Variants in IQSEC1 observed in about 807,000 individuals in gnomAD.
IQSEC1 encodes IQ motif and SEC7 domain-containing protein 1.
IQSEC1 carries 31 observed loss-of-function variants against 91.0 expected under a neutral mutation model. The observed-to-expected ratio is 0.34, with a 90% CI of 0.26 to 0.46. The LOEUF is 0.46. IQSEC1 is among the 20% of genes least tolerant of loss of function. The probability of loss-of-function intolerance (pLI) is 1.00; values close to 1 mark genes in which losing one functional copy is unlikely to be tolerated. For missense variants in IQSEC1, 1,388 were observed against 1,575.6 expected (o/e 0.88, Z 2.02); for synonymous variants, 699 against 662.6 (o/e 1.05, Z -0.84).
At chr3:12,941,506 G>T in intron 2 of IQSEC1, 65 bp downstream of exon 2, 1 of 1,409,430 alleles carries the variant, frequency 7.1e-7, no homozygotes, top group Non-Finnish European at 9.5e-7. Context: ...CCTGGTGGGG[G>T]CACACATGGT....
intron 1 of IQSEC1, among the ~76,000 whole-genome samples, chr3:13,009,395 A>G (rs1702776243): frequency 6.6e-6 from 1 of 152,032 alleles, no homozygotes; most frequent in Non-Finnish European, 1.5e-5. Flanking sequence ...GGGAGGCGGG[A>G]CCTTGCCTGA....
At position 12,967,321 on chromosome 3, in the gene IQSEC1, C is replaced by T; in HGVS notation, c.24-25456G>A. 3 of 1,407,032 alleles carry T rather than the reference C, an allele frequency of 2.1e-6. No homozygotes were observed. The highest frequency in any genetic ancestry group is 2.1e-5 in the Admixed American group (1 of 48,658). 87.2% of individuals were successfully genotyped at this position (1,407,032 alleles called of 1,614,324 possible). On this transcript the variant is annotated intron_variant, in intron 1 of 13. Transcript: ENST00000613206. The surrounding 1 kb of genome is among the most constrained non-coding windows in gnomAD (Gnocchi z 5.9). ...CACCCGCACTCCCGCACAGGCATCCCCACAGCCTGCGCCAGCCCACCGCTC... is the reference window on the plus strand; with the variant it reads ...CACCCGCACTCCCGCACAGGCATCCTCACAGCCTGCGCCAGCCCACCGCTC...
intron 2 of IQSEC1, among the ~76,000 whole-genome samples, chr3:13,125,548 G>C (rs1192091954): frequency 6.6e-6 from 1 of 152,258 alleles, no homozygotes; most frequent in Non-Finnish European, 1.5e-5. Flanking sequence ...TGTGGCGCTT[G>C]AGAACAAGGA....
At chr3:12,928,328 G>A (rs1697345289) in intron 3 of IQSEC1, among the ~76,000 whole-genome samples, 1 of 152,216 alleles carries the variant, frequency 6.6e-6, no homozygotes, top group Admixed American at 6.5e-5. Context: ...TGCGGGCGAT[G>A]GATTCCACCC....
chr3:13,246,656 T>C (rs534447055), intron 1 of IQSEC1, among the ~76,000 whole-genome samples: 132 of 152,322 alleles, frequency 8.7e-4, no homozygotes, highest in African/African-American at 3.1e-3. Flanking sequence ...GAGCTACCTG[T>C]GCCCTGCTCT....
intron 1 of IQSEC1, among the ~76,000 whole-genome samples, chr3:13,035,171 G>A (rs553612497): frequency 6.6e-6 from 1 of 152,232 alleles, no homozygotes; most frequent in Non-Finnish European, 1.5e-5. Flanking sequence ...CCTGCCCTTG[G>A]GGGTACAGAG....
At chr3:13,264,702 A>G (rs2125134863) in intron 1 of IQSEC1, among the ~76,000 whole-genome samples, 1 of 152,144 alleles carries the variant, frequency 6.6e-6, no homozygotes, top group South Asian at 2.1e-4. Context: ...CACTAATTCA[A>G]CAAGCGGGAG....
At chr3:13,035,494 C>T (rs183423740) in intron 1 of IQSEC1, among the ~76,000 whole-genome samples, 6 of 152,314 alleles carry the variant, frequency 3.9e-5, no homozygotes, top group Admixed American at 2.0e-4. Flanking sequence ...ATAATCACCA[C>T]ACTTCATTTC....
intron 1 of IQSEC1, among the ~76,000 whole-genome samples, chr3:13,201,296 C>T (rs1055976316): frequency 3.3e-5 from 5 of 152,154 alleles, no homozygotes; most frequent in African/African-American, 1.2e-4. Context: ...GGGCAGGAGT[C>T]CTGGGGAGGA....
intron 1 of IQSEC1, among the ~76,000 whole-genome samples, chr3:13,281,741 A>G (rs1001400346): frequency 1.2e-4 from 18 of 152,322 alleles, no homozygotes; most frequent in Admixed American, 1.1e-3. Flanking sequence ...CCCAGCAGGA[A>G]GACTGTCCTG....
intron 1 of IQSEC1, among the ~76,000 whole-genome samples, chr3:13,242,930 C>T (rs964003381): frequency 3.3e-5 from 5 of 152,000 alleles, no homozygotes; most frequent in Admixed American, 2.6e-4. Context: ...GCTTGTCTTT[C>T]CACACATGTG....
intron 1 of IQSEC1, among the ~76,000 whole-genome samples, chr3:13,067,282 C>T (rs574605499): frequency 1.5e-4 from 23 of 152,312 alleles, no homozygotes; most frequent in African/African-American, 2.6e-4. Flanking sequence ...GGGGCTGTGT[C>T]GTCAGTAGGC....
chr3:13,142,368 C>T (rs1372464617), intron 2 of IQSEC1, among the ~76,000 whole-genome samples: 1 of 152,210 alleles, frequency 6.6e-6, no homozygotes, highest in Non-Finnish European at 1.5e-5. Context: ...CAGCCCCTTT[C>T]CTTTGGAAGC....
chr3:13,057,645 G>A (rs1160902560), intron 1 of IQSEC1, among the ~76,000 whole-genome samples: 1 of 152,156 alleles, frequency 6.6e-6, no homozygotes. Context: ...GTCACACAAT[G>A]AGCAAGGATT....
chr3:12,937,019 G>T (rs754289193), intron 2 of IQSEC1, among the ~76,000 whole-genome samples: 1 of 150,830 alleles, frequency 6.6e-6, no homozygotes, highest in Non-Finnish European at 1.5e-5. Context: ...TGCAACCTCC[G>T]CCTCCTGGGT....
At chr3:13,206,101 C>G (rs950490930) in intron 1 of IQSEC1, among the ~76,000 whole-genome samples, 4 of 150,448 alleles carry the variant, frequency 2.7e-5, no homozygotes, top group African/African-American at 4.9e-5. Flanking sequence ...ATTCCTCCAT[C>G]CACCCATCTA....
rs1222235371 is a variant in IQSEC1, at chr3:12,898,382, ACT to A, written c.*2599_*2600del. The A allele has an allele frequency of 2.6e-5, 4 of 152,248 alleles. No individual in the cohort carries two copies. Among genetic ancestry groups the A allele is most frequent in the African/African-American group, 9.6e-5 (4 of 41,462 alleles). The allele number at this position is 152,248 out of a possible 1,614,324, so 9.4% of individuals were successfully genotyped here. On this transcript the variant is annotated 3_prime_UTR_variant, in exon 14 of 14. Coordinates refer to ENST00000613206, the MANE Select transcript of IQSEC1 (RefSeq NM_001134382.3). ...AAACCTCACTAGCCTGAAGGAACACACTGAGTGCGGCGGGAAACCCCGGGAAG... is the reference window on the plus strand; with the variant it reads ...AAACCTCACTAGCCTGAAGGAACACAGAGTGCGGCGGGAAACCCCGGGAAG...
intron 1 of IQSEC1, among the ~76,000 whole-genome samples, chr3:13,223,556 G>T (rs2125078257): frequency 6.6e-6 from 1 of 152,228 alleles, no homozygotes; most frequent in East Asian, 1.9e-4. Context: ...AGGTGGGTAG[G>T]TCCCACCCTC....
chr3:13,047,998 C>T (rs559670019), intron 1 of IQSEC1, among the ~76,000 whole-genome samples: 1 of 152,150 alleles, frequency 6.6e-6, no homozygotes, highest in Non-Finnish European at 1.5e-5. Flanking sequence ...AGAGACTCGG[C>T]GTCCAGCTCT....
Sources: allele counts gnomAD v4.1 joint callset (sites outside exome capture counted in the v4.1 genomes callset), GRCh38; gene constraint gnomAD v4.1.1; non-coding constraint Gnocchi (gnomAD v3.1); transcripts MANE v1.5; gene names NCBI Gene and HGNC (gene_info 2026-07-23, HGNC 2026-07-21).